The following IQCJ variants were observed in gnomAD, a reference collection of about 807,000 sequenced individuals.
IQCJ encodes the protein IQ domain-containing protein J.
A neutral mutation model predicts 11.0 loss-of-function variants in IQCJ; 9 were observed. The ratio of observed to expected loss-of-function variants is 0.82; its 90% confidence interval spans 0.49 to 1.43. The LOEUF (loss-of-function observed/expected upper bound fraction) is 1.43, where lower values mean the gene tolerates loss of function less well. Among genes scored for constraint, IQCJ ranks in the 40% most tolerant of loss-of-function variants. The pLI is 0.00. For missense variants in IQCJ, 146 were observed against 133.2 expected (o/e 1.10, Z -0.47); for synonymous variants, 55 against 51.3 (o/e 1.07, Z -0.31).
intron 1 of IQCJ, among the ~76,000 whole-genome samples, chr3:159,091,673 T>TGC (rs1717315003): frequency 9.1e-5 from 1 of 10,992 alleles, no homozygotes; most frequent in Non-Finnish European, 3.2e-4. Context: ...CACACACGCA[T>TGC]GCACACACAC....
chr3:159,149,808 C>G (rs1412546453), intron 1 of IQCJ, among the ~76,000 whole-genome samples: 1 of 152,186 alleles, frequency 6.6e-6, no homozygotes, highest in South Asian at 2.1e-4. Context: ...AATCTGTTCT[C>G]AGCCTTCAGG....
chr3:159,190,646 G>T (rs1303414115), intron 1 of IQCJ, among the ~76,000 whole-genome samples: 1 of 152,210 alleles, frequency 6.6e-6, no homozygotes. Flanking sequence ...GCTGAAGGGA[G>T]GTCAATGGAG....
At chr3:159,188,202 G>C (rs1723483985) in intron 1 of IQCJ, among the ~76,000 whole-genome samples, 1 of 152,188 alleles carries the variant, frequency 6.6e-6, no homozygotes, top group Admixed American at 6.5e-5. Flanking sequence ...CCTGAGGTCA[G>C]CAGTTCGAGA....
chr3:159,238,198 G>A (rs745973182), intron 1 of IQCJ, among the ~76,000 whole-genome samples: 33 of 152,246 alleles, frequency 2.2e-4, no homozygotes, highest in African/African-American at 6.5e-4. Flanking sequence ...ATGTCCAACC[G>A]TGCTCCAGCA....
chr3:159,076,970 A>G (rs1715965659), intron 1 of IQCJ, among the ~76,000 whole-genome samples: 1 of 152,110 alleles, frequency 6.6e-6, no homozygotes, highest in African/African-American at 2.4e-5. Flanking sequence ...AGTACTTAGA[A>G]CAGTGCCTGG....
At chr3:159,213,202 G>T (rs1218523052) in intron 1 of IQCJ, among the ~76,000 whole-genome samples, 1 of 152,180 alleles carries the variant, frequency 6.6e-6, no homozygotes, top group Non-Finnish European at 1.5e-5. Flanking sequence ...CATCAAGTTT[G>T]CTCTGTTCTT....
intron 1 of IQCJ, among the ~76,000 whole-genome samples, chr3:159,131,187 G>A (rs533437951): frequency 1.3e-5 from 2 of 152,206 alleles, no homozygotes; most frequent in East Asian, 1.9e-4. Flanking sequence ...TGTGTGACTC[G>A]GAGCAAGTAA....
chr3:159,139,001 A>C (rs562023299), intron 1 of IQCJ, among the ~76,000 whole-genome samples: 2 of 152,334 alleles, frequency 1.3e-5, no homozygotes, highest in Non-Finnish European at 2.9e-5. Flanking sequence ...GAAATTGAAC[A>C]ATTTTCTTTT....
intron 1 of IQCJ, among the ~76,000 whole-genome samples, chr3:159,242,100 G>A (rs548576067): frequency 1.1e-4 from 16 of 152,248 alleles, no homozygotes; most frequent in South Asian, 4.1e-4. Context: ...GGGAGCAACC[G>A]TGGCTGTTTC....
intron 1 of IQCJ, among the ~76,000 whole-genome samples, chr3:159,231,324 A>G (rs530631103): frequency 3.3e-5 from 5 of 152,302 alleles, no homozygotes; most frequent in African/African-American, 7.2e-5. Flanking sequence ...AAATCTTTAT[A>G]TATGTGTTCA....
At chr3:159,143,561 GTTC>G (rs531005330) in intron 1 of IQCJ, among the ~76,000 whole-genome samples, 18 of 152,178 alleles carry the variant, frequency 1.2e-4, no homozygotes, top group Non-Finnish European at 2.2e-4. Context: ...GTGGGTCATT[GTTC>G]TTCTCAGAGA....
intron 1 of IQCJ, among the ~76,000 whole-genome samples, chr3:159,128,435 A>G (rs928567310): frequency 2.0e-5 from 3 of 152,180 alleles, no homozygotes; most frequent in Non-Finnish European, 4.4e-5. Flanking sequence ...TCGATGTTAG[A>G]AATATGTCTT....
intron 1 of IQCJ, among the ~76,000 whole-genome samples, chr3:159,175,639 G>A (rs1025413323): frequency 3.9e-5 from 6 of 152,064 alleles, no homozygotes; most frequent in African/African-American, 1.4e-4. Flanking sequence ...TAATGCTCTT[G>A]AGATTCATTC....
At chr3:159,156,304 A>C (rs1343893181) in intron 1 of IQCJ, among the ~76,000 whole-genome samples, 3 of 152,228 alleles carry the variant, frequency 2.0e-5, no homozygotes, top group Non-Finnish European at 4.4e-5. Flanking sequence ...AGTGTGAAGA[A>C]GCAAGAGATA....
chr3:159,076,897 G>T (rs1367198627), intron 1 of IQCJ, among the ~76,000 whole-genome samples: 1 of 152,102 alleles, frequency 6.6e-6, no homozygotes, highest in Non-Finnish European at 1.5e-5. Context: ...CTATAAAATG[G>T]AAATGACTAA....
At position 159,193,897 on chromosome 3, in the gene IQCJ, G is replaced by C. The variant is rs1723834382; in HGVS notation, c.10-51946G>C. Among the ~76,000 whole-genome samples, 6 of 152,276 alleles carry C rather than the reference G, an allele frequency of 3.9e-5. No homozygotes were observed. The South Asian group carries it at 1.2e-3, about 32-fold the overall frequency. ...CCAACTCTACCACCATGGATATTTT[G>C]TTTTGTGACTGTTGTGCCAAAACTG... is the stretch of plus-strand genomic sequence containing the variant. On this transcript the variant is annotated intron_variant, in intron 1 of 3. Coordinates refer to ENST00000397832, the MANE Select transcript of IQCJ (RefSeq NM_001042706.3).
intron 2 of IQCJ, among the ~76,000 whole-genome samples, chr3:159,249,868 A>G (rs2108208059): frequency 6.6e-6 from 1 of 151,730 alleles, no homozygotes; most frequent in African/African-American, 2.4e-5. Context: ...ATACTATCTG[A>G]GACCATTGGC....
At chr3:159,106,155 C>T (rs1371984782) in intron 1 of IQCJ, among the ~76,000 whole-genome samples, 3 of 152,072 alleles carry the variant, frequency 2.0e-5, no homozygotes, top group Admixed American at 6.5e-5. Context: ...GGTGAATTGA[C>T]TACAGGGGAA....
intron 1 of IQCJ, among the ~76,000 whole-genome samples, chr3:159,190,818 T>C (rs991457800): frequency 1.3e-5 from 2 of 152,206 alleles, no homozygotes; most frequent in Admixed American, 6.5e-5. Flanking sequence ...GTAGGCTTAA[T>C]GTCAGGAGTA....
Sources: allele counts gnomAD v4.1 joint callset (sites outside exome capture counted in the v4.1 genomes callset), GRCh38; gene constraint gnomAD v4.1.1; transcripts MANE v1.5; gene names NCBI Gene and HGNC (gene_info 2026-07-23, HGNC 2026-07-21).